The following SPOCK1 variants were observed in gnomAD, a reference collection of about 807,000 sequenced individuals.
SPOCK1 encodes testican-1.
A neutral mutation model predicts 55.3 loss-of-function variants in SPOCK1; 23 were observed. That is an observed-to-expected ratio of 0.42 (90% CI 0.30 to 0.59). SPOCK1 has a LOEUF of 0.59. Ranked by LOEUF, SPOCK1 falls within the 20% of genes least tolerant of loss-of-function variation. The probability of loss-of-function intolerance (pLI) is 0.22; values close to 1 mark genes in which losing one functional copy is unlikely to be tolerated. For synonymous variants in SPOCK1, 226 were observed against 221.0 expected, an observed-to-expected ratio of 1.02 and a Z score of -0.20; for missense variants, 499 against 552.5, an observed-to-expected ratio of 0.90 and a Z score of 0.97.
At position 137,140,623 on chromosome 5, in the gene SPOCK1, A is replaced by G. The variant is rs750803680; in HGVS notation, c.304T>C (p.Tyr102His). 1 of 1,613,832 alleles carries G rather than the reference A, an allele frequency of 6.2e-7. No individual in the cohort carries two copies. Among genetic ancestry groups the G allele is most frequent in the East Asian group, 2.2e-5 (1 of 44,840 alleles). ...SPHKVCVTQDYQTALCVSRKH... is the reference protein window; with the variant it reads ...SPHKVCVTQDHQTALCVSRKH... ...CGGCTGACACACAGGGCGGTCTGGT[A>G]GTCCTGGGTCACACACACTTTGTGA... Residue 102 changes from tyrosine to histidine, a missense_variant, in exon 4 of 11, where the codon TAC becomes CAC. By Grantham distance (83) the Tyr-to-His change is moderately conservative. This residue lies in a region of SPOCK1 where 386 missense variants were observed against 400.6 expected (regional missense o/e 0.96). Coordinates refer to ENST00000394945, the MANE Select transcript of SPOCK1 (RefSeq NM_004598.4).
At chr5:137,274,355 G>A (rs1043577370) in intron 2 of SPOCK1, among the ~76,000 whole-genome samples, 15 of 152,330 alleles carry the variant, frequency 9.8e-5, no homozygotes, top group Admixed American at 1.3e-4. Flanking sequence ...TGAAGCAGAT[G>A]TGGGTTCAAA....
chr5:136,994,208 C>A (rs1335274826), intron 6 of SPOCK1, among the ~76,000 whole-genome samples: 1 of 151,666 alleles, frequency 6.6e-6, no homozygotes, highest in Non-Finnish European at 1.5e-5. Flanking sequence ...AGTGTTTATA[C>A]CCCAGTTTTT....
At chr5:136,980,071 C>G (rs890573498) in intron 9 of SPOCK1, among the ~76,000 whole-genome samples, 11 of 152,056 alleles carry the variant, frequency 7.2e-5, no homozygotes, top group African/African-American at 2.4e-4. Flanking sequence ...GTCTTCCAGC[C>G]TCTAAGAAAG....
chr5:137,198,877 G>A (rs988163194), intron 3 of SPOCK1, among the ~76,000 whole-genome samples: 3 of 152,094 alleles, frequency 2.0e-5, no homozygotes, highest in African/African-American at 7.2e-5. Flanking sequence ...AATACTAAAC[G>A]ACTGAATAAA....
At chr5:137,030,246 G>A (rs1751754266) in intron 6 of SPOCK1, among the ~76,000 whole-genome samples, 2 of 152,238 alleles carry the variant, frequency 1.3e-5, no homozygotes, top group South Asian at 2.1e-4. Flanking sequence ...TTGGCCCTAC[G>A]GCCATCCAAG....
At chr5:137,109,905 T>C (rs1273201830) in intron 5 of SPOCK1, among the ~76,000 whole-genome samples, 3 of 152,256 alleles carry the variant, frequency 2.0e-5, no homozygotes, top group South Asian at 4.1e-4. Context: ...TACATATTTA[T>C]ATGCTTGGTT....
At chr5:137,444,153 C>G (rs1753073988) in intron 2 of SPOCK1, among the ~76,000 whole-genome samples, 1 of 152,166 alleles carries the variant, frequency 6.6e-6, no homozygotes, top group Admixed American at 6.5e-5. Context: ...CAAATGCAAT[C>G]TGCTCTGGAC....
intron 3 of SPOCK1, among the ~76,000 whole-genome samples, chr5:137,218,033 C>T (rs942024836): frequency 3.9e-5 from 6 of 152,174 alleles, no homozygotes; most frequent in Non-Finnish European, 8.8e-5. Context: ...CAACACTCAC[C>T]CTTTCCTCCC....
chr5:137,050,751 A>C (rs1027836998), intron 6 of SPOCK1, among the ~76,000 whole-genome samples: 1 of 152,230 alleles, frequency 6.6e-6, no homozygotes, highest in Non-Finnish European at 1.5e-5. Context: ...ATCCAAAATG[A>C]TAAACTAAAA....
chr5:137,334,163 A>C (rs1393804004), intron 2 of SPOCK1, among the ~76,000 whole-genome samples: 1 of 152,240 alleles, frequency 6.6e-6, no homozygotes, highest in East Asian at 1.9e-4. Flanking sequence ...CACAGATTGC[A>C]TGAGACAGAC....
chr5:136,984,037 A>G (rs1750788841), intron 9 of SPOCK1, among the ~76,000 whole-genome samples: 1 of 152,182 alleles, frequency 6.6e-6, no homozygotes, highest in Non-Finnish European at 1.5e-5. Flanking sequence ...GAGAAATGAG[A>G]TCAATAAACA....
Position 137,231,343 on chromosome 5 carries a change from G to A in SPOCK1, c.232+35667C>T, listed in dbSNP as rs150575303. ...ATTATAGGCGTGAGCCACCGCACCCGGCTGGTGTCACCCTTTTATAACCCA... is the reference window on the plus strand; with the variant it reads ...ATTATAGGCGTGAGCCACCGCACCCAGCTGGTGTCACCCTTTTATAACCCA... On this transcript the variant is annotated intron_variant, in intron 3 of 10. Coordinates refer to ENST00000394945, the MANE Select transcript of SPOCK1 (RefSeq NM_004598.4). Among the ~76,000 whole-genome samples, 1,467 of 152,214 alleles carry A rather than the reference G, an allele frequency of 9.6e-3. 19 individuals carry two copies. Among genetic ancestry groups the A allele is most frequent in the African/African-American group, 0.033 (1,356 of 41,518 alleles).
intron 2 of SPOCK1, among the ~76,000 whole-genome samples, chr5:137,325,425 G>A (rs905425637): frequency 6.6e-6 from 1 of 152,138 alleles, no homozygotes; most frequent in Non-Finnish European, 1.5e-5. Context: ...TCCTCATCAA[G>A]AGAGCCAGAT....
chr5:137,477,572 G>A (rs979576747), intron 2 of SPOCK1, among the ~76,000 whole-genome samples: 4 of 152,120 alleles, frequency 2.6e-5, no homozygotes, highest in African/African-American at 9.7e-5. Context: ...AAGCAGAGGG[G>A]GCCAGCCTTC....
intron 3 of SPOCK1, among the ~76,000 whole-genome samples, chr5:137,212,496 A>G (rs1291199300): frequency 6.6e-6 from 1 of 152,242 alleles, no homozygotes. Context: ...TTCAACAAAC[A>G]TAAGCTGAAT....
At chr5:137,310,294 G>A (rs1214774176) in intron 2 of SPOCK1, among the ~76,000 whole-genome samples, 1 of 152,176 alleles carries the variant, frequency 6.6e-6, no homozygotes, top group Non-Finnish European at 1.5e-5. Flanking sequence ...TAAATGAATG[G>A]CACCAAGCTT....
At chr5:137,076,780 T>C (rs1228888421) in intron 5 of SPOCK1, among the ~76,000 whole-genome samples, 1 of 152,196 alleles carries the variant, frequency 6.6e-6, no homozygotes, top group Non-Finnish European at 1.5e-5. Context: ...ATATATCTTA[T>C]GTAACCCTAT....
chr5:137,200,433 C>T (rs1329407226), intron 3 of SPOCK1, among the ~76,000 whole-genome samples: 1 of 152,168 alleles, frequency 6.6e-6, no homozygotes, highest in Non-Finnish European at 1.5e-5. Context: ...TTCTCCTTGA[C>T]ACTTACACTA....
intron 6 of SPOCK1, among the ~76,000 whole-genome samples, chr5:137,062,677 C>T (rs1045339801): frequency 5.9e-5 from 9 of 151,876 alleles, no homozygotes; most frequent in Non-Finnish European, 8.8e-5. Context: ...GCTGACGGGG[C>T]TGACTGTTGG....
Sources: allele counts gnomAD v4.1 joint callset (sites outside exome capture counted in the v4.1 genomes callset), GRCh38; gene constraint gnomAD v4.1.1; regional missense constraint gnomAD v4.1.1; transcripts MANE v1.5; gene names NCBI Gene and HGNC (gene_info 2026-07-23, HGNC 2026-07-21).